Variants in SLC2A2 observed in about 807,000 individuals in gnomAD.
SLC2A2 encodes the protein solute carrier family 2, facilitated glucose transporter member 2.
A neutral mutation model predicts 54.5 loss-of-function variants in SLC2A2; 36 were observed. The observed-to-expected ratio is 0.66, with a 90% CI of 0.51 to 0.87. The LOEUF is 0.87. Ranked by LOEUF, SLC2A2 falls within the 40% of genes least tolerant of loss-of-function variation. The pLI, the probability that SLC2A2 is intolerant of heterozygous loss-of-function variation, is 0.00. For synonymous variants in SLC2A2, 223 were observed against 219.1 expected (o/e 1.02, Z -0.16); for missense variants, 543 against 624.3 (o/e 0.87, Z 1.39).
At chr3:171,016,235 G>C (rs1716144499) in intron 2 of SLC2A2, among the ~76,000 whole-genome samples, 1 of 152,218 alleles carries the variant, frequency 6.6e-6, no homozygotes. Flanking sequence ...AGGAGTTCAA[G>C]ACCAGCCTGG....
Position 171,005,420 on chromosome 3 carries a change from C to T in SLC2A2, c.828G>A (p.Met276Ile), listed in dbSNP as rs754932741. 5.0e-6 allele frequency: 8 copies of T among 1,612,726 alleles called. No homozygotes were observed. The highest frequency in any genetic ancestry group is 2.2e-5 in the East Asian group (1 of 44,842). Residue 276 changes from methionine to isoleucine, a missense_variant, in exon 7 of 11, where the codon ATG becomes ATA. By Grantham distance (10) the Met-to-Ile change is conservative. Transcript: ENST00000314251. ...YDDVTKDINE[M>I]RKEREEASSE... ...TCGATGCTTCTTCTCTTTCTTTTCT[C>T]ATTTCATTAATATCTTTGGTGACAT...
At chr3:171,013,249 T>G (rs1040772555) in intron 3 of SLC2A2, among the ~76,000 whole-genome samples, 3 of 152,190 alleles carry the variant, frequency 2.0e-5, no homozygotes, top group African/African-American at 7.2e-5. Context: ...ATCTAGAGAA[T>G]TCTCCATTTA....
intron 5 of SLC2A2, 58 bp downstream of exon 5, chr3:171,007,090 G>T: frequency 1.1e-6 from 1 of 915,488 alleles, no homozygotes; most frequent in Non-Finnish European, 1.8e-6. Flanking sequence ...AGTAGTAGTG[G>T]TACTGTAGAG....
At chr3:171,005,548 G>T in intron 6 of SLC2A2, 76 bp from the exon 7 acceptor site, 2 of 1,216,640 alleles carry the variant, frequency 1.6e-6, no homozygotes, top group African/African-American at 1.5e-5. Context: ...TAATGAAAGA[G>T]CTACATTTCT....
chr3:171,004,592 T>G (rs1029943600), intron 7 of SLC2A2, among the ~76,000 whole-genome samples: 2 of 88,796 alleles, frequency 2.3e-5, no homozygotes, highest in African/African-American at 1.8e-4. Flanking sequence ...AGAAGTGGTG[T>G]TTTTTTTTTT....
At chr3:171,019,279 G>A (rs1208983868) in intron 1 of SLC2A2, among the ~76,000 whole-genome samples, 1 of 151,598 alleles carries the variant, frequency 6.6e-6, no homozygotes, top group Non-Finnish European at 1.5e-5. Context: ...ATAAAGAGAT[G>A]GGGAGCTCTG....
rs902152333 is a variant in SLC2A2, at chr3:170,997,668, T to C, written c.*235A>G. The C allele has an allele frequency of 2.7e-5, 14 of 518,426 alleles. No individual in the cohort carries two copies. Among genetic ancestry groups the C allele is most frequent in the Non-Finnish European group, 4.4e-5 (13 of 294,122 alleles). The allele number at this position is 518,426 out of a possible 1,614,324, so 32.1% of individuals were successfully genotyped here. ...AATATTAGAACCACCTGCCCTTTAG[T>C]GTAACAAAATAAACTAGCCTTTTTG... On this transcript the variant is annotated 3_prime_UTR_variant, in exon 11 of 11. Coordinates refer to ENST00000314251, the MANE Select transcript of SLC2A2 (RefSeq NM_000340.2).
chr3:171,026,691 T>C lies in SLC2A2; in HGVS notation c.-21A>G, dbSNP rs760465698. On this transcript the variant is annotated 5_prime_UTR_variant, in exon 1 of 11. Transcript: ENST00000314251. ...GTCATTGTACTAGTTGGGAGTCCTG[T>C]CAATTCCAGGTCTTGTGTGAGTGTG... 1.2e-6 allele frequency: 2 copies of C among 1,611,492 alleles called. No individual in the cohort carries two copies. The highest frequency in any genetic ancestry group is 1.3e-5 in the African/African-American group (1 of 74,902).
At position 170,996,696 on chromosome 3, in the gene SLC2A2, C is replaced by T. The variant is rs28579899; in HGVS notation, c.*1207G>A. 4.6e-4 allele frequency: 184 copies of T among 397,652 alleles called. No individual in the cohort carries two copies. The highest frequency in any genetic ancestry group is 2.0e-3 in the African/African-American group (98 of 48,644). 24.6% of individuals were successfully genotyped at this position (397,652 alleles called of 1,614,324 possible). A position where few individuals can be genotyped will look rare whatever the true frequency, so the allele number is the denominator to read the frequency against. ...AAAGGCAGATAGATAGTGTACAATGCGTGTTAGTAATGGCCATAGAATAGT... is the reference window on the plus strand; with the variant it reads ...AAAGGCAGATAGATAGTGTACAATGTGTGTTAGTAATGGCCATAGAATAGT... On this transcript the variant is annotated 3_prime_UTR_variant, in exon 11 of 11. Coordinates refer to ENST00000314251, the MANE Select transcript of SLC2A2 (RefSeq NM_000340.2).
intron 3 of SLC2A2, among the ~76,000 whole-genome samples, chr3:171,012,614 A>T (rs1394977542): frequency 2.0e-5 from 3 of 151,804 alleles, no homozygotes; most frequent in African/African-American, 7.2e-5. Flanking sequence ...TTTTTTTTTT[A>T]AAGGCAATAA....
chr3:171,015,362 T>TG (rs1560040316), intron 2 of SLC2A2, among the ~76,000 whole-genome samples: 1 of 151,962 alleles, frequency 6.6e-6, no homozygotes, highest in Non-Finnish European at 1.5e-5. Flanking sequence ...CCCAGCTACT[T>TG]GGAGGGGGCT....
At chr3:170,998,791 A>C (rs1479869734) in intron 9 of SLC2A2, among the ~76,000 whole-genome samples, 3 of 152,166 alleles carry the variant, frequency 2.0e-5, no homozygotes, top group Non-Finnish European at 4.4e-5. Context: ...ATTAAAACCC[A>C]GTTGGCGGTG....
At chr3:171,006,934 T>A (rs1715637569) in intron 5 of SLC2A2, among the ~76,000 whole-genome samples, 1 of 151,924 alleles carries the variant, frequency 6.6e-6, no homozygotes, top group Non-Finnish European at 1.5e-5. Context: ...ATAATTTACC[T>A]TTGAACGAAA....
chr3:171,026,338 T>C (rs551169713), intron 1 of SLC2A2, among the ~76,000 whole-genome samples: 8 of 152,036 alleles, frequency 5.3e-5, no homozygotes, highest in Admixed American at 2.6e-4. Flanking sequence ...CCGATGAGTT[T>C]TCATGATTAA....
At chr3:171,004,285 T>C (rs1715478543) in intron 7 of SLC2A2, among the ~76,000 whole-genome samples, 1 of 152,036 alleles carries the variant, frequency 6.6e-6, no homozygotes, top group Non-Finnish European at 1.5e-5. Flanking sequence ...TTTTATGCCA[T>C]TGAATATACA....
rs1716200169 is a variant in SLC2A2, at chr3:171,017,326, C to T, written c.108+1205G>A. Among the ~76,000 whole-genome samples, 3 of 152,306 alleles carry T rather than the reference C, an allele frequency of 2.0e-5. No individual in the cohort carries two copies. In the South Asian group the frequency reaches 6.2e-4, roughly 32 times the overall value. ...CACAAAAAAGATATGACCCTTGTCTCTTGACCCCCAGCACTATGCCCTGGA... is the reference window on the plus strand; with the variant it reads ...CACAAAAAAGATATGACCCTTGTCTTTTGACCCCCAGCACTATGCCCTGGA... On this transcript the variant is annotated intron_variant, in intron 2 of 10. Transcript: ENST00000314251.
intron 8 of SLC2A2, 152 bp from the exon 9 acceptor site, chr3:170,999,318 G>T: frequency 1.5e-6 from 1 of 682,530 alleles, no homozygotes. Context: ...GTGAGATCAA[G>T]GTGGGGAGTG....
Position 170,996,623 on chromosome 3 carries a change from C to T in SLC2A2, c.*1280G>A, listed in dbSNP as rs1406400390. On this transcript the variant is annotated 3_prime_UTR_variant, in exon 11 of 11. Transcript: ENST00000314251. ...CCATAATTGTAAAATTGACTGTAAGCTAAAGTCTGTTTAATCATCTGTGTA... is the reference window on the plus strand; with the variant it reads ...CCATAATTGTAAAATTGACTGTAAGTTAAAGTCTGTTTAATCATCTGTGTA... 2 of 397,864 alleles carry T rather than the reference C, an allele frequency of 5.0e-6. No homozygotes were observed. Among genetic ancestry groups the T allele is most frequent in the Non-Finnish European group, 8.9e-6 (2 of 225,634 alleles). The allele number at this position is 397,864 out of a possible 1,614,324, so 24.6% of individuals were successfully genotyped here.
chr3:171,026,343 G>C (rs922048204), intron 1 of SLC2A2, among the ~76,000 whole-genome samples: 13 of 140,996 alleles, frequency 9.2e-5, no homozygotes, highest in Middle Eastern at 3.8e-3. Flanking sequence ...GAGTTTTCAT[G>C]ATTAAATTTA....
Sources: gnomAD v4.1 joint callset for allele counts (sites outside exome capture counted in the v4.1 genomes callset) on GRCh38, gnomAD v4.1.1 for gene constraint, MANE v1.5 for transcripts, NCBI Gene and HGNC (gene_info 2026-07-23, HGNC 2026-07-21) for gene names.